The following FHOD1 variants were observed in gnomAD, a reference collection of about 807,000 sequenced individuals.
FHOD1 encodes formin homology 2 domain containing 1.
In FHOD1, 89 loss-of-function variants were observed where a neutral mutation model predicts 111.6. That is an observed-to-expected ratio of 0.80 (90% CI 0.67 to 0.95). The LOEUF (loss-of-function observed/expected upper bound fraction) is 0.95, where lower values mean the gene tolerates loss of function less well. FHOD1 is among the 40% of genes least tolerant of loss of function. The pLI, the probability that FHOD1 is intolerant of heterozygous loss-of-function variation, is 0.00. For missense variants in FHOD1, 1,446 were observed against 1,554.2 expected (o/e 0.93, Z 1.17); for synonymous variants, 618 against 639.0 (o/e 0.97, Z 0.50).
rs1374285558 is a variant in FHOD1, at chr16:67,238,671, C to T, written c.374-224G>A. On this transcript the variant is annotated intron_variant, in intron 3 of 21. Coordinates refer to ENST00000258201, the MANE Select transcript of FHOD1 (RefSeq NM_013241.3). The surrounding 1 kb of genome is among the most constrained non-coding windows in gnomAD (Gnocchi z 4.2). ...GCCTCAAGCAATTCTCCCACCTTGA[C>T]CTCTCAAAGCACTGGCATTGGAGGC... 2 of 657,188 alleles carry T rather than the reference C, an allele frequency of 3.0e-6. No individual in the cohort carries two copies. The highest frequency in any genetic ancestry group is 4.8e-5 in the Admixed American group (2 of 41,954). 40.7% of individuals were successfully genotyped at this position (657,188 alleles called of 1,614,324 possible).
At chr16:67,240,062 G>C (rs750309008) in intron 1 of FHOD1, among the ~76,000 whole-genome samples, 1 of 152,312 alleles carries the variant, frequency 6.6e-6, no homozygotes. Flanking sequence ...ACCCACCCGG[G>C]AGAGTGTGTC....
At chr16:67,232,499 A>G (rs2034317913) in intron 13 of FHOD1, among the ~76,000 whole-genome samples, 2 of 144,440 alleles carry the variant, frequency 1.4e-5, no homozygotes, top group Admixed American at 1.4e-4. Context: ...ATCCTGGGTG[A>G]CTGAGCAAGA....
chr16:67,231,586 T>C lies in FHOD1; in HGVS notation c.2386-37A>G, dbSNP rs759814824. 10 of 1,613,998 alleles carry C rather than the reference T, an allele frequency of 6.2e-6. No individual in the cohort carries two copies. In the South Asian group the frequency reaches 8.8e-5, roughly 14 times the overall value. ...GACCAGGGACTCTCAGACTACATGG[T>C]CATGATGCTTACCTGTCCCTACTGA... is the stretch of plus-strand genomic sequence containing the variant. On this transcript the variant is annotated intron_variant, in intron 15 of 21. Coordinates refer to ENST00000258201, the MANE Select transcript of FHOD1 (RefSeq NM_013241.3). The surrounding 1 kb of genome is among the most constrained non-coding windows in gnomAD (Gnocchi z 4.3).
Position 67,237,553 on chromosome 16 carries a change from G to A in FHOD1, c.771C>T (p.Ala257=). 1 of 1,614,182 alleles carries A rather than the reference G, an allele frequency of 6.2e-7. No individual in the cohort carries two copies. Among genetic ancestry groups the A allele is most frequent in the Non-Finnish European group, 8.5e-7 (1 of 1,180,022 alleles). The part of the protein sequence containing the change: ...VASTTGAPPW[A]NLVSILEEKN... ...TCTCCTCCAGGATGGACACCAGATT[G>A]GCCCAGGGAGGAGCACCTGCCACAC... Residue 257 remains alanine, a synonymous_variant, in exon 8 of 22, where the codon GCC becomes GCT. Transcript: ENST00000258201. This position sits in a 1 kb window ranked among gnomAD's most constrained non-coding sequence, Gnocchi z 5.6.
rs2034191876 is a variant in FHOD1, at chr16:67,230,090, T to C, written c.3190A>G (p.Thr1064Ala). The C allele has an allele frequency of 1.2e-6, 2 of 1,614,164 alleles. No homozygotes were observed. Among genetic ancestry groups the C allele is most frequent in the African/African-American group, 2.7e-5 (2 of 75,050 alleles). The change falls in exon 20 of 22, where the codon ACC becomes GCC. Residue 1064 changes from threonine to alanine, a missense_variant. Physicochemically the swap from Thr to Ala is moderately conservative, Grantham distance 58. This residue lies in a region of FHOD1 where 1,085 missense variants were observed against 1,108.8 expected (regional missense o/e 0.98). Coordinates refer to ENST00000258201, the MANE Select transcript of FHOD1 (RefSeq NM_013241.3). ...KSLLTSRPED[T>A]THNRRSRGMV... ...CCTCTGCTGCGGCGATTGTGTGTGG[T>C]GTCCTCAGGCCTGCTGGTCAGCAGA...
In FHOD1 at chr16:67,231,295, C is replaced by T; in HGVS notation, c.2560G>A (p.Val854Met). ...TGGTGTAGCAGTGACTGTCGACGCA[C>T]CGTGTCCTTCACCTCTGACACCTTC... ...LEKVSEVKDT[V>M]RRQSLLHHLC... is the part of the protein sequence containing the mutation. The change falls in exon 17 of 22, where the codon GTG (valine) becomes ATG (methionine). Residue 854 changes from valine (V) to methionine (M), a missense_variant. Physicochemically the swap from Val to Met is conservative, Grantham distance 21. Coordinates refer to ENST00000258201, the MANE Select transcript of FHOD1 (RefSeq NM_013241.3). The surrounding 1 kb of genome is among the most constrained non-coding windows in gnomAD (Gnocchi z 4.3). 1 of 1,614,196 alleles carries T rather than the reference C, an allele frequency of 6.2e-7. No individual in the cohort carries two copies. Among genetic ancestry groups the T allele is most frequent in the Non-Finnish European group, 8.5e-7 (1 of 1,180,022 alleles).
At position 67,230,299 on chromosome 16, in the gene FHOD1, T is replaced by C. The variant is rs935338314; in HGVS notation, c.3051+15A>G. On this transcript the variant is annotated intron_variant, in intron 19 of 21. Transcript: ENST00000258201. ...GGAGGTGGCAGTCAAGACTAAGACC[T>C]GGAAGGGCACCCACCTCGGTGATCA... The C allele has an allele frequency of 5.6e-6, 9 of 1,613,906 alleles. No individual in the cohort carries two copies. Among genetic ancestry groups the C allele is most frequent in the Non-Finnish European group, 7.6e-6 (9 of 1,179,874 alleles).
chr16:67,229,920 T>TG lies in FHOD1; in HGVS notation c.3284dup (p.Gly1096ArgfsTer7). The stretch of plus-strand genomic sequence containing the variant: ...ATGTATCACTGGGTAAACTGGAGCC[T>TG]GGGGGTTCTTCTGGGGATGCAGTGG... On this transcript the variant is annotated frameshift_variant, in exon 21 of 22. Coordinates refer to ENST00000258201, the MANE Select transcript of FHOD1 (RefSeq NM_013241.3). LOFTEE classifies it high-confidence loss of function. The TG allele has an allele frequency of 6.2e-7, 1 of 1,614,140 alleles. No individual in the cohort carries two copies. The highest frequency in any genetic ancestry group is 1.1e-5 in the South Asian group (1 of 91,082).
chr16:67,240,611 C>G (rs1472911919), intron 1 of FHOD1, among the ~76,000 whole-genome samples: 1 of 152,232 alleles, frequency 6.6e-6, no homozygotes, highest in Non-Finnish European at 1.5e-5. Context: ...AACAAGCAGG[C>G]ACATGCTCCA....
In FHOD1 at chr16:67,238,851, C is replaced by G. The variant is rs2034587206; in HGVS notation, c.373+52G>C. ...CAGCACAGGCCTGAAGGTGAGCCAA[C>G]TGGGCTATGGGGAGGAGGTGCTGCT... is the stretch of plus-strand genomic sequence containing the variant. On this transcript the variant is annotated intron_variant, in intron 3 of 21. Coordinates refer to ENST00000258201, the MANE Select transcript of FHOD1 (RefSeq NM_013241.3). The surrounding 1 kb of genome is among the most constrained non-coding windows in gnomAD (Gnocchi z 4.2). 2.7e-5 allele frequency: 42 copies of G among 1,582,148 alleles called. No homozygotes were observed. Among genetic ancestry groups the G allele is most frequent in the South Asian group, 1.7e-4 (15 of 90,456 alleles).
At chr16:67,242,670 C>T (rs957131918) in intron 1 of FHOD1, among the ~76,000 whole-genome samples, 4 of 152,206 alleles carry the variant, frequency 2.6e-5, no homozygotes, top group Admixed American at 2.6e-4. Context: ...TGGCTCTTGT[C>T]TTCCTCACTT....
intron 1 of FHOD1, among the ~76,000 whole-genome samples, chr16:67,244,779 A>G (rs980651355): frequency 6.6e-6 from 1 of 152,182 alleles, no homozygotes; most frequent in Non-Finnish European, 1.5e-5. Flanking sequence ...ACAACTGTAC[A>G]TAGGACGAAG....
chr16:67,239,279 G>T, intron 2 of FHOD1, 69 bp downstream of exon 2: 5 of 1,204,620 alleles, frequency 4.2e-6, no homozygotes, highest in Non-Finnish European at 6.2e-6. Context: ...TGTCTCAGCT[G>T]CTGACATTTG....
In FHOD1 at chr16:67,233,745, A is replaced by G; in HGVS notation, c.1958T>C (p.Leu653Pro). The change falls in exon 13 of 22, where the codon CTC becomes CCC. Residue 653 changes from leucine (L) to proline (P), a missense_variant. Around this residue, in one of 3 missense-constraint regions of FHOD1, gnomAD observed 1,085 missense variants for 1,108.8 expected, o/e 0.98. Transcript: ENST00000258201. ...TGAGACAGGGTCCAGTGAAGCCCAG[A>G]GGGTGGCGCAGGGCCCAAAGCGGCT... ...SASRFGPCATLWASLDPVSVD... is the reference protein window; with the variant it reads ...SASRFGPCATPWASLDPVSVD... 6.2e-7 allele frequency: 1 copy of G among 1,613,870 alleles called. No homozygotes were observed. Among genetic ancestry groups the G allele is most frequent in the East Asian group, 2.2e-5 (1 of 44,870 alleles).
Position 67,236,588 on chromosome 16 carries a change from C to T in FHOD1, c.1288G>A (p.Ala430Thr). 2 of 1,613,614 alleles carry T rather than the reference C, an allele frequency of 1.2e-6. No individual in the cohort carries two copies. Among genetic ancestry groups the T allele is most frequent in the South Asian group, 1.1e-5 (1 of 90,860 alleles). ...LFPTISVAPS[A>T]DTSSERSIYK... ...ATGCTCCTCTCGCTGGAGGTGTCAG[C>T]TGAGGGTGCCACAGAGATGGTAGGA... The change falls in exon 11 of 22, where the codon GCT becomes ACT. Residue 430 changes from alanine (A) to threonine (T), a missense_variant. This residue lies in a region of FHOD1 where 1,085 missense variants were observed against 1,108.8 expected (regional missense o/e 0.98). Transcript: ENST00000258201.
chr16:67,230,249 A>G lies in FHOD1; in HGVS notation c.3052-21T>C, dbSNP rs749705095. The G allele has an allele frequency of 2.5e-6, 4 of 1,613,610 alleles. No individual in the cohort carries two copies. In the Admixed American group the frequency reaches 5.0e-5, roughly 20 times the overall value. The stretch of plus-strand genomic sequence containing the variant: ...TCTGTCTGGAGAAAGAAGAAGGGTG[A>G]GCTGGGAGGAGCGAAGGAAACCAAG... On this transcript the variant is annotated intron_variant, in intron 19 of 21. Coordinates refer to ENST00000258201, the MANE Select transcript of FHOD1 (RefSeq NM_013241.3).
intron 1 of FHOD1, among the ~76,000 whole-genome samples, chr16:67,242,418 G>C (rs754960701): frequency 1.3e-5 from 2 of 152,214 alleles, no homozygotes; most frequent in Non-Finnish European, 2.9e-5. Context: ...CTGGGTGGAA[G>C]TGTGGGGTGG....
intron 13 of FHOD1, 52 bp downstream of exon 13, chr16:67,233,603 GCT>G: frequency 1.3e-6 from 2 of 1,526,308 alleles, no homozygotes; most frequent in Non-Finnish European, 1.8e-6. Flanking sequence ...AGATCCTTAA[GCT>G]CTGATTCCCT....
intron 13 of FHOD1, among the ~76,000 whole-genome samples, chr16:67,233,319 C>T (rs2034349508): frequency 6.6e-6 from 1 of 152,108 alleles, no homozygotes. Flanking sequence ...CTCCTGACCT[C>T]AAATGATCCA....
Sources: gnomAD v4.1 joint callset for allele counts (sites outside exome capture counted in the v4.1 genomes callset) on GRCh38, gnomAD v4.1.1 for gene constraint, gnomAD v4.1.1 regional missense constraint, Gnocchi (gnomAD v3.1) non-coding constraint, MANE v1.5 for transcripts, NCBI Gene and HGNC (gene_info 2026-07-23, HGNC 2026-07-21) for gene names.